The following RGPD8 variants were observed in gnomAD, a reference collection of about 807,000 sequenced individuals.
RGPD8 encodes RANBP2 like and GRIP domain containing 8, also known as RANBP2-like and GRIP domain-containing protein 8.
A neutral mutation model predicts 89.1 loss-of-function variants in RGPD8; 15 were observed. That is an observed-to-expected ratio of 0.17 (90% CI 0.11 to 0.26). The LOEUF (loss-of-function observed/expected upper bound fraction) is 0.26. RGPD8 is among the 10% of genes least tolerant of loss of function. RGPD8 has a pLI of 1.00. For missense variants in RGPD8, 178 were observed against 1,179.6 expected (o/e 0.15, Z 12.44); for synonymous variants, 62 against 420.9 (o/e 0.15, Z 10.44).
intron 1 of RGPD8, among the ~76,000 whole-genome samples, chr2:112,425,681 C>A (rs981896670): frequency 6.6e-6 from 1 of 151,466 alleles, no homozygotes; most frequent in Non-Finnish European, 1.5e-5. Flanking sequence ...ATCACTTGAA[C>A]CCGGGAGGCA....
At chr2:112,408,936 T>C (rs1467218655) in intron 7 of RGPD8, among the ~76,000 whole-genome samples, 1 of 151,208 alleles carries the variant, frequency 6.6e-6, no homozygotes, top group Non-Finnish European at 1.5e-5. Flanking sequence ...CCTCCCAAAG[T>C]GCTAAGATTA....
At chr2:112,423,741 C>G (rs1679637656) in intron 2 of RGPD8, among the ~76,000 whole-genome samples, 1 of 151,848 alleles carries the variant, frequency 6.6e-6, no homozygotes, top group Non-Finnish European at 1.5e-5. Flanking sequence ...CTCTTAATTT[C>G]CTGCTTTAAT....
At chr2:112,415,752 G>A (rs1158187981) in intron 6 of RGPD8, among the ~76,000 whole-genome samples, 5 of 142,800 alleles carry the variant, frequency 3.5e-5, no homozygotes, top group Admixed American at 1.4e-4. Flanking sequence ...GTGTGGTGTC[G>A]GGCACATGTA....
At chr2:112,429,619 G>A (rs539291982) in intron 1 of RGPD8, among the ~76,000 whole-genome samples, 3 of 151,908 alleles carry the variant, frequency 2.0e-5, no homozygotes, top group East Asian at 1.9e-4. Flanking sequence ...GATCATTTAC[G>A]CCCAAAAATT....
At chr2:112,432,337 T>C (rs1193162075) in intron 1 of RGPD8, among the ~76,000 whole-genome samples, 1 of 152,120 alleles carries the variant, frequency 6.6e-6, no homozygotes, top group Admixed American at 6.5e-5. Flanking sequence ...TTTAGAATTT[T>C]TTTTTTTTAA....
chr2:112,430,230 C>G (rs192720413), intron 1 of RGPD8, among the ~76,000 whole-genome samples: 2,341 of 152,206 alleles, frequency 0.015, 65 homozygotes, highest in African/African-American at 0.053. Flanking sequence ...TCACAGATGG[C>G]CAGCCTCTGC....
chr2:112,408,968 G>A (rs370346300), intron 7 of RGPD8, among the ~76,000 whole-genome samples: 1 of 148,418 alleles, frequency 6.7e-6, no homozygotes, highest in Non-Finnish European at 1.5e-5. Context: ...CACCACGCCT[G>A]GCTATTTCCT....
In RGPD8 at chr2:112,424,091, T is replaced by C. The variant is rs1260052829; in HGVS notation, c.140+149A>G. On this transcript the variant is annotated intron_variant, in intron 2 of 22. Coordinates refer to ENST00000302558, the MANE Select transcript of RGPD8 (RefSeq NM_001164463.1). ...TCAATCTCAATGGAATCTAGGCTGG[T>C]CCTTAGCATCAGTCTGAGTGATAAA... The C allele has an allele frequency of 1.2e-5, 13 of 1,089,462 alleles. No individual in the cohort carries two copies. The African/African-American group carries it at 1.9e-4, about 16-fold the overall frequency. 67.5% of individuals were successfully genotyped at this position (1,089,462 alleles called of 1,614,324 possible).
At chr2:112,429,663 AAC>A (rs1679939121) in intron 1 of RGPD8, among the ~76,000 whole-genome samples, 5 of 152,134 alleles carry the variant, frequency 3.3e-5, no homozygotes, top group Non-Finnish European at 7.3e-5. Flanking sequence ...TATTCTAAAA[AAC>A]AAATAAATAA....
At chr2:112,387,342 G>GT (rs975182268) in intron 20 of RGPD8, among the ~76,000 whole-genome samples, 2,739 of 112,998 alleles carry the variant, frequency 0.024, 163 homozygotes, top group South Asian at 0.038. Context: ...TCAATATCAT[G>GT]TTTTTTTTTG....
At chr2:112,428,848 T>C (rs1679890563) in intron 1 of RGPD8, among the ~76,000 whole-genome samples, 1 of 150,576 alleles carries the variant, frequency 6.6e-6, no homozygotes. Context: ...AATTATTCAG[T>C]CCAGGAAAAC....
intron 1 of RGPD8, among the ~76,000 whole-genome samples, chr2:112,428,687 C>T (rs1679882383): frequency 6.6e-6 from 1 of 151,906 alleles, no homozygotes; most frequent in Non-Finnish European, 1.5e-5. Flanking sequence ...TAAGGGTATT[C>T]CAGGTAGACA....
intron 20 of RGPD8, among the ~76,000 whole-genome samples, chr2:112,382,007 A>G (rs1417772070): frequency 6.6e-6 from 1 of 152,266 alleles, no homozygotes. Flanking sequence ...GGGAAGGCAG[A>G]CCCACCCTTA....
Position 112,380,888 on chromosome 2 carries a change from T to A in RGPD8, c.4997A>T (p.Asp1666Val), listed in dbSNP as rs1678278013. ...QKLRSTTKSA[D>V]HLNGLLREIE... ...TTCCCGAAGCAGGCCGTTTAAGTGA[T>A]CTGCACTTTTTGTGGTGGAACGGAG... Residue 1666 changes from aspartate to valine, a missense_variant, in exon 21 of 23, where the codon GAT (aspartate) becomes GTT (valine). Asp to Val is a radical substitution (Grantham distance 152). Coordinates refer to ENST00000302558, the MANE Select transcript of RGPD8 (RefSeq NM_001164463.1). 2 of 1,340,656 alleles carry A rather than the reference T, an allele frequency of 1.5e-6. No individual in the cohort carries two copies. Among genetic ancestry groups the A allele is most frequent in the East Asian group, 2.4e-5 (1 of 42,160 alleles). The allele number at this position is 1,340,656 out of a possible 1,614,324, so 83.0% of individuals were successfully genotyped here.
intron 4 of RGPD8, among the ~76,000 whole-genome samples, chr2:112,420,890 C>T: frequency 6.6e-6 from 1 of 151,552 alleles, no homozygotes. Flanking sequence ...TGATACTGTG[C>T]TTTGGTCAGG....
At chr2:112,427,100 C>T (rs570328884) in intron 1 of RGPD8, among the ~76,000 whole-genome samples, 133 of 152,044 alleles carry the variant, frequency 8.7e-4, no homozygotes, top group Non-Finnish European at 1.3e-3. Flanking sequence ...CGGCCAGTTC[C>T]CCCTTTTCAA....
chr2:112,380,470 G>A (rs1678250615), intron 21 of RGPD8, among the ~76,000 whole-genome samples: 1 of 144,776 alleles, frequency 6.9e-6, no homozygotes, highest in South Asian at 2.3e-4. Context: ...TGGCTAACAT[G>A]GTAAACCCTG....
chr2:112,432,723 G>GA, intron 1 of RGPD8: 1 of 985,302 alleles, frequency 1.0e-6, no homozygotes, highest in Non-Finnish European at 1.2e-6. Context: ...TACGGGGCCA[G>GA]AAAGCCCGGG....
chr2:112,427,590 T>C (rs986395744), intron 1 of RGPD8, among the ~76,000 whole-genome samples: 5 of 152,114 alleles, frequency 3.3e-5, no homozygotes, highest in Non-Finnish European at 7.4e-5. Flanking sequence ...AGAGATGTAA[T>C]TGTAATTGTC....
Sources: allele counts gnomAD v4.1 joint callset (sites outside exome capture counted in the v4.1 genomes callset), GRCh38; gene constraint gnomAD v4.1.1; transcripts MANE v1.5; gene names NCBI Gene and HGNC (gene_info 2026-07-23, HGNC 2026-07-21).